PIR: variants seen among roughly 807,000 people sequenced by gnomAD.
The protein encoded by PIR is pirin, also known as pirin (iron-binding nuclear protein).
PIR carries 22 observed loss-of-function variants against 24.2 expected under a neutral mutation model. The ratio of observed to expected loss-of-function variants is 0.91; its 90% CI spans 0.65 to 1.30. PIR has a LOEUF of 1.30. PIR is among the 50% of genes most tolerant of loss of function. The probability of loss-of-function intolerance (pLI) is 0.00; values close to 1 mark genes in which losing one functional copy is unlikely to be tolerated. For synonymous variants in PIR, 80 were observed against 79.6 expected (o/e 1.00, Z -0.03); for missense variants, 220 against 220.3 (o/e 1.00, Z 0.01).
At chrX:15,425,473 G>A (rs1423501541) in intron 6 of PIR, among the ~76,000 whole-genome samples, 2 of 102,008 alleles carry the variant, frequency 2.0e-5, no homozygotes, top group Admixed American at 1.1e-4. Context: ...GTGCAGTGGT[G>A]CGATCTCGGC....
rs765668161 is a variant in PIR, at chrX:15,455,805, C to T, written c.480+43G>A. ...AATCCAGAAGGGGCCAGCCTTATGT[C>T]ACTGCATGCCTCAGGTTAAATAGAC... On this transcript the variant is annotated intron_variant, in intron 5 of 9. Coordinates refer to ENST00000380420, the MANE Select transcript of PIR (RefSeq NM_001018109.3). 6 of 1,059,200 alleles carry T rather than the reference C, an allele frequency of 5.7e-6. No homozygotes were observed. In the South Asian group the frequency reaches 1.1e-4, roughly 20 times the overall value. 87.3% of individuals were successfully genotyped at this position (1,059,200 alleles called of 1,213,427 possible).
intron 5 of PIR, among the ~76,000 whole-genome samples, chrX:15,437,198 T>G (rs930353829): frequency 2.7e-5 from 3 of 112,076 alleles, no homozygotes; most frequent in Non-Finnish European, 5.6e-5. Context: ...AAAGACTTTT[T>G]GCCTAGTTGG....
intron 3 of PIR, among the ~76,000 whole-genome samples, chrX:15,466,666 A>G (rs1473868805): frequency 8.9e-6 from 1 of 112,099 alleles, no homozygotes; most frequent in Non-Finnish European, 1.9e-5. Flanking sequence ...CACCTGGCCC[A>G]TAACAGGTGA....
At chrX:15,434,858 C>G (rs1925698605) in intron 5 of PIR, among the ~76,000 whole-genome samples, 1 of 111,006 alleles carries the variant, frequency 9.0e-6, no homozygotes, top group South Asian at 3.8e-4. Flanking sequence ...CTTTCCCCAT[C>G]CAAAGATCAT....
intron 4 of PIR, 72 bp downstream of exon 4, chrX:15,459,585 G>C (rs1293584401): frequency 1.0e-5 from 6 of 580,131 alleles, no homozygotes; most frequent in South Asian, 2.3e-5. Flanking sequence ...GAATGTACTG[G>C]AAGTGGGCAG....
chrX:15,398,033 C>T (rs1418259457), intron 7 of PIR, among the ~76,000 whole-genome samples: 3 of 103,963 alleles, frequency 2.9e-5, no homozygotes, highest in Non-Finnish European at 5.9e-5. Context: ...GAGAATAATT[C>T]AACTGAAAAA....
intron 2 of PIR, among the ~76,000 whole-genome samples, chrX:15,485,164 T>G (rs1006354595): frequency 1.8e-5 from 2 of 112,162 alleles, no homozygotes; most frequent in African/African-American, 6.5e-5. Flanking sequence ...TCTGTTTGAG[T>G]TGCTATAACA....
In PIR at chrX:15,386,081, G is replaced by A. The variant is rs773275458; in HGVS notation, c.761-965C>T. Among the ~76,000 whole-genome samples, 5 of 112,217 alleles carry A rather than the reference G, an allele frequency of 4.5e-5. No individual in the cohort carries two copies. In the South Asian group the frequency reaches 1.9e-3, roughly 42 times the overall value. On this transcript the variant is annotated intron_variant, in intron 9 of 9. Coordinates refer to ENST00000380420, the MANE Select transcript of PIR (RefSeq NM_001018109.3). Reference sequence around the variant, plus strand: ...TGGCATTGACAGTGTCTTTAGAGCAGTTGACAGACTTGTTCACTCAGTGTA... The same window carrying A: ...TGGCATTGACAGTGTCTTTAGAGCAATTGACAGACTTGTTCACTCAGTGTA...
At chrX:15,492,274 A>AAATC (rs994416082) in intron 1 of PIR, among the ~76,000 whole-genome samples, 61 of 111,562 alleles carry the variant, frequency 5.5e-4, no homozygotes, top group African/African-American at 2.0e-3. Context: ...TTTGGGCAAG[A>AAATC]AATCTTTCAG....
intron 5 of PIR, among the ~76,000 whole-genome samples, chrX:15,436,354 G>A (rs931782269): frequency 1.1e-4 from 12 of 111,890 alleles, no homozygotes; most frequent in Non-Finnish European, 2.1e-4. Context: ...AGATGATGAC[G>A]GGGACTCACA....
intron 3 of PIR, among the ~76,000 whole-genome samples, chrX:15,479,407 T>C (rs935867580): frequency 1.3e-4 from 14 of 109,381 alleles, no homozygotes; most frequent in Admixed American, 2.0e-4. Context: ...CGTAGTGACA[T>C]GATTAGAAAC....
chrX:15,392,011 G>C (rs1162959963), intron 8 of PIR, among the ~76,000 whole-genome samples: 1 of 110,784 alleles, frequency 9.0e-6, no homozygotes, highest in Non-Finnish European at 1.9e-5. Flanking sequence ...CTCCCTCTCT[G>C]GGAAGCTGTC....
chrX:15,476,288 T>A (rs1244595720), intron 3 of PIR, among the ~76,000 whole-genome samples: 1 of 112,207 alleles, frequency 8.9e-6, no homozygotes, highest in Non-Finnish European at 1.9e-5. Flanking sequence ...GTATATTAGT[T>A]ACATTTTATA....
At chrX:15,397,656 T>A (rs1013435925) in intron 7 of PIR, 125 bp from the exon 8 acceptor site, 1 of 451,978 alleles carries the variant, frequency 2.2e-6, no homozygotes, top group Non-Finnish European at 3.9e-6. Context: ...GACTTAGTAA[T>A]TCCCTTGAAT....
intron 5 of PIR, among the ~76,000 whole-genome samples, chrX:15,441,268 G>A (rs1006820439): frequency 8.9e-6 from 1 of 112,128 alleles, no homozygotes; most frequent in Non-Finnish European, 1.9e-5. Context: ...ATAAGGGCAA[G>A]GGGTTTTAGA....
At chrX:15,387,073 CTTTTTTTTTTTTTTTTTTTTTTT>C (rs764572854) in intron 9 of PIR, among the ~76,000 whole-genome samples, 1 of 12,698 alleles carries the variant, frequency 7.9e-5, no homozygotes, top group African/African-American at 2.4e-4. Flanking sequence ...CTTTTCTTTT[CTTTTTTTTTTTTTTTTTTTTTTT>C]TTTTTTTTTT....
intron 5 of PIR, among the ~76,000 whole-genome samples, chrX:15,427,476 A>T (rs1395893530): frequency 9.0e-6 from 1 of 110,970 alleles, no homozygotes; most frequent in Non-Finnish European, 1.9e-5. Context: ...TTTTGTGGAG[A>T]ATAATGATGC....
chrX:15,434,047 A>G (rs777492361), intron 5 of PIR, among the ~76,000 whole-genome samples: 1 of 62,210 alleles, frequency 1.6e-5, no homozygotes, highest in Non-Finnish European at 2.9e-5. Flanking sequence ...AAGGAGAAAG[A>G]AGGAGGAGGA....
At chrX:15,489,863 T>TA (rs1923062328) in intron 2 of PIR, among the ~76,000 whole-genome samples, 1 of 111,538 alleles carries the variant, frequency 9.0e-6, no homozygotes, top group Admixed American at 9.5e-5. Flanking sequence ...ATGCGAAATC[T>TA]AAAAAAATCA....
Sources: gnomAD v4.1 joint callset for allele counts (sites outside exome capture counted in the v4.1 genomes callset) on GRCh38, gnomAD v4.1.1 for gene constraint, MANE v1.5 for transcripts, NCBI Gene and HGNC (gene_info 2026-07-23, HGNC 2026-07-21) for gene names.